Variants in DSC1 observed in about 807,000 individuals in gnomAD.
DSC1 encodes desmocollin 1.
DSC1 carries 79 observed loss-of-function variants against 98.8 expected under a neutral mutation model. The ratio of observed to expected loss-of-function variants is 0.80; its 90% CI spans 0.67 to 0.96. DSC1 has a LOEUF of 0.96. Among genes scored for constraint, DSC1 ranks in the 50% least tolerant of loss-of-function variants. The pLI is 0.00. For synonymous variants in DSC1, 405 were observed against 372.1 expected (o/e 1.09, Z -1.02); for missense variants, 1,115 against 1,075.9 (o/e 1.04, Z -0.51).
At chr18:31,147,631 A>G (rs1988873821) in intron 6 of DSC1, among the ~76,000 whole-genome samples, 1 of 152,156 alleles carries the variant, frequency 6.6e-6, no homozygotes, top group Non-Finnish European at 1.5e-5. Context: ...TTTTCCTAAA[A>G]TTGCCATCAT....
At chr18:31,136,860 C>T (rs1456224530) in intron 11 of DSC1, among the ~76,000 whole-genome samples, 1 of 151,948 alleles carries the variant, frequency 6.6e-6, no homozygotes, top group Non-Finnish European at 1.5e-5. Flanking sequence ...TTTATTTTAC[C>T]CCTGGGAAGA....
rs755253174 is a variant in DSC1, at chr18:31,134,714, G to A, written c.1734C>T (p.Asp578=). ...DDYNDHAPQI[D]KEVTICQNNE... ...TATTCTGACAAATGGTCACTTCTTTGTCAATTTGAGGTGCGTGATCGTTGT... is the reference window on the plus strand; with the variant it reads ...TATTCTGACAAATGGTCACTTCTTTATCAATTTGAGGTGCGTGATCGTTGT... Residue 578 remains aspartate, a synonymous_variant, in exon 12 of 16, where the codon GAC becomes GAT. Transcript: ENST00000257198. The A allele has an allele frequency of 8.7e-6, 14 of 1,613,182 alleles. No individual in the cohort carries two copies. The highest frequency in any genetic ancestry group is 1.3e-5 in the African/African-American group (1 of 74,984).
chr18:31,140,394 C>A, intron 9 of DSC1, 93 bp from the exon 10 acceptor site: 2 of 1,320,940 alleles, frequency 1.5e-6, no homozygotes, highest in South Asian at 1.6e-5. Flanking sequence ...ATCATTTTTA[C>A]ATTTAAAATG....
intron 11 of DSC1, among the ~76,000 whole-genome samples, 187 bp downstream of exon 11, chr18:31,139,561 C>T (rs1464122628): frequency 6.6e-6 from 1 of 152,128 alleles, no homozygotes; most frequent in Non-Finnish European, 1.5e-5. Flanking sequence ...TTTGGCCATT[C>T]ACTACCTCAT....
intron 8 of DSC1, 131 bp from the exon 9 acceptor site, chr18:31,142,315 T>C: frequency 7.6e-6 from 7 of 919,374 alleles, no homozygotes; most frequent in Non-Finnish European, 1.1e-5. Context: ...TGGGGAAACA[T>C]TTTACAAATT....
rs1200000543 is a variant in DSC1, at chr18:31,140,270, A to C, written c.1292T>G (p.Ile431Ser). ...PLNYEVNRQV[I>S]LQVGVINEAQ... ...CTCGTTAATGACACCAACTTGCAAA[A>C]TAACTTGGCGATTGACTTCATAGTT... Residue 431 changes from isoleucine to serine, a missense_variant, in exon 10 of 16, where the codon ATT (isoleucine) becomes AGT (serine). Physicochemically the swap from Ile to Ser is moderately radical, Grantham distance 142. Transcript: ENST00000257198. The C allele has an allele frequency of 1.2e-6, 2 of 1,614,032 alleles. No individual in the cohort carries two copies. Among genetic ancestry groups the C allele is most frequent in the South Asian group, 1.1e-5 (1 of 91,080 alleles).
intron 5 of DSC1, among the ~76,000 whole-genome samples, chr18:31,149,307 A>T (rs1196175016): frequency 1.3e-5 from 2 of 152,196 alleles, no homozygotes; most frequent in African/African-American, 4.8e-5. Flanking sequence ...TCATGGGAAC[A>T]ACTAAACCTA....
At chr18:31,154,101 G>A (rs1989048978) in intron 5 of DSC1, among the ~76,000 whole-genome samples, 1 of 152,084 alleles carries the variant, frequency 6.6e-6, no homozygotes, top group Admixed American at 6.5e-5. Flanking sequence ...CCACCAAAGA[G>A]TTATATAAAA....
At position 31,156,181 on chromosome 18, in the gene DSC1, A is replaced by C. The variant is rs1383243486; in HGVS notation, c.352-19T>G. ...TAGGAGACTACATTTGACAAGAAAC[A>C]AAGAAATGTAGCATTGCTTATCATT... is the stretch of plus-strand genomic sequence containing the variant. On this transcript the variant is annotated intron_variant, in intron 3 of 15. Transcript: ENST00000257198. 1.9e-6 allele frequency: 3 copies of C among 1,596,606 alleles called. No homozygotes were observed. The highest frequency in any genetic ancestry group is 8.5e-7 in the Non-Finnish European group (1 of 1,175,600).
In DSC1 at chr18:31,162,827, G is replaced by A. The variant is rs558651347; in HGVS notation, c.-233C>T. 1.2e-4 allele frequency: 63 copies of A among 513,614 alleles called. No individual in the cohort carries two copies. The highest frequency in any genetic ancestry group is 8.3e-4 in the East Asian group (25 of 30,090). The allele number at this position is 513,614 out of a possible 1,614,324, so 31.8% of individuals were successfully genotyped here. ...GTCTCCTTCCTTCCAGTTCAATTAC[G>A]TCTAAATGCAAAGAGGCTTTCCTAC... On this transcript the variant is annotated 5_prime_UTR_variant, in exon 1 of 16. The change creates a new upstream start codon in the 5' untranslated region. Transcript: ENST00000257198.
chr18:31,148,528 T>C lies in DSC1; in HGVS notation c.742A>G (p.Ile248Val), dbSNP rs1414467272. The change falls in exon 6 of 16, where the codon ATC (isoleucine) becomes GTC (valine). Residue 248 changes from isoleucine to valine, a missense_variant. Transcript: ENST00000257198. ...CGGCAATTTTCAGGCACAGTAAAGA[T>C]AGTCACTCTGTGTTCAAAATATGGG... is the stretch of plus-strand genomic sequence containing the variant. ...NAPYFEHRVT[I>V]FTVPENCRSG... is the part of the protein sequence containing the mutation. The C allele has an allele frequency of 6.2e-6, 10 of 1,609,714 alleles. No homozygotes were observed. The highest frequency in any genetic ancestry group is 1.1e-5 in the South Asian group (1 of 90,612).
chr18:31,159,047 G>GGTTTTTTTTTTT (rs1989154691), intron 2 of DSC1, among the ~76,000 whole-genome samples: 1 of 71,098 alleles, frequency 1.4e-5, no homozygotes, highest in African/African-American at 5.8e-5. Context: ...CTACTATGTG[G>GGTTTTTTTTTTT]TTTTTTTTTT....
At chr18:31,145,468 A>C (rs111487268) in intron 7 of DSC1, 143 bp downstream of exon 7, 41 of 771,168 alleles carry the variant, frequency 5.3e-5, no homozygotes, top group African/African-American at 4.9e-4. Flanking sequence ...AGGACCGAGG[A>C]CATCTCCAGA....
chr18:31,140,957 C>A (rs1052026767), intron 9 of DSC1, among the ~76,000 whole-genome samples: 1 of 152,114 alleles, frequency 6.6e-6, no homozygotes, highest in Non-Finnish European at 1.5e-5. Context: ...GTGAATAAGT[C>A]TCGCAGGAGC....
At chr18:31,145,541 A>G (rs1368759223) in intron 7 of DSC1, 70 bp downstream of exon 7, 1 of 1,560,226 alleles carries the variant, frequency 6.4e-7, no homozygotes, top group East Asian at 2.2e-5. Flanking sequence ...CCATATTGCA[A>G]CTTCTCTCGG....
At chr18:31,143,535 G>T in intron 8 of DSC1, 122 bp downstream of exon 8, 2 of 639,384 alleles carry the variant, frequency 3.1e-6, no homozygotes, top group Non-Finnish European at 4.7e-6. Flanking sequence ...TATGTTATTT[G>T]TAAGTAGTAG....
chr18:31,156,038 T>A lies in DSC1; in HGVS notation c.471+5A>T. The A allele has an allele frequency of 6.2e-7, 1 of 1,608,264 alleles. No individual in the cohort carries two copies. The highest frequency in any genetic ancestry group is 1.1e-5 in the South Asian group (1 of 89,440). ...CACATATAAAATCAAATAAGTGAAA[T>A]GCACCTGCTGAACGTGTTGTGGAAA... On this transcript the variant is annotated splice_donor_5th_base_variant and intron_variant, in intron 4 of 15. Coordinates refer to ENST00000257198, the MANE Select transcript of DSC1 (RefSeq NM_024421.2).
chr18:31,141,206 T>C (rs1333551000), intron 9 of DSC1, among the ~76,000 whole-genome samples: 1 of 151,118 alleles, frequency 6.6e-6, no homozygotes, highest in Non-Finnish European at 1.5e-5. Context: ...AAACAACATT[T>C]AAATGGTGAA....
rs66553394 is a variant in DSC1 at position 31,154,276 on chromosome 18, C to CA, written c.627+497dup. Reference sequence around the variant, plus strand: ...TGAAGAATAGTGAGAGAAAGGGATGCAAAAAAAAAAAAGCTATGTAAGGGG... The same window carrying CA: ...TGAAGAATAGTGAGAGAAAGGGATGCAAAAAAAAAAAAAGCTATGTAAGGGG... On this transcript the variant is annotated intron_variant, in intron 5 of 15. Coordinates refer to ENST00000257198, the MANE Select transcript of DSC1 (RefSeq NM_024421.2). Among the ~76,000 whole-genome samples the CA allele has an allele frequency of 6.9e-3, 964 of 139,942 alleles. 10 individuals carry two copies. The highest frequency in any genetic ancestry group is 0.019 in the African/African-American group (726 of 37,636). 91.8% of individuals were successfully genotyped at this position (139,942 alleles called of 152,430 possible). A position where few individuals can be genotyped will look rare whatever the true frequency, so the allele number is the denominator to read the frequency against.
Sources: gnomAD v4.1 joint callset for allele counts (sites outside exome capture counted in the v4.1 genomes callset) on GRCh38, gnomAD v4.1.1 for gene constraint, MANE v1.5 for transcripts, NCBI Gene and HGNC (gene_info 2026-07-23, HGNC 2026-07-21) for gene names.